The following DENND2B variants were observed in gnomAD, a reference collection of about 807,000 sequenced individuals.
DENND2B encodes DENN domain containing 2B.
In DENND2B, 32 loss-of-function variants were observed where a neutral mutation model predicts 116.0. The ratio of observed to expected loss-of-function variants is 0.28; its 90% confidence interval spans 0.21 to 0.37. The LOEUF (loss-of-function observed/expected upper bound fraction) is 0.37, where lower values mean the gene tolerates loss of function less well. Ranked by LOEUF, DENND2B falls within the 10% of genes least tolerant of loss-of-function variation. The probability of loss-of-function intolerance (pLI) is 1.00; values close to 1 mark genes in which losing one functional copy is unlikely to be tolerated. For missense variants in DENND2B, 1,276 were observed against 1,477.7 expected, an observed-to-expected ratio of 0.86 and a Z score of 2.24; for synonymous variants, 588 against 583.9, an observed-to-expected ratio of 1.01 and a Z score of -0.10.
chr11:8,882,402 A>G (rs1027044215), intron 1 of DENND2B, among the ~76,000 whole-genome samples: 8 of 152,168 alleles, frequency 5.3e-5, no homozygotes, highest in Non-Finnish European at 1.2e-4. Flanking sequence ...GCCCATAACC[A>G]TTGTTCATAA....
rs1592847823 is a variant in DENND2B at position 8,730,801 on chromosome 11, G to A, written c.489C>T (p.Gly163=). The A allele has an allele frequency of 1.2e-6, 2 of 1,613,022 alleles. No homozygotes were observed. Among genetic ancestry groups the A allele is most frequent in the Admixed American group, 3.3e-5 (2 of 60,010 alleles). ...CCCATGCTGATATCTTCTCCCGGATGCCCAGGCTGTGGGCGCGGGTACCGG... is the reference window on the plus strand; with the variant it reads ...CCCATGCTGATATCTTCTCCCGGATACCCAGGCTGTGGGCGCGGGTACCGG... ...TRTGTRAHSL[G]IREKISAWEG... is the part of the protein sequence containing the mutation. Residue 163 remains glycine, a synonymous_variant, in exon 3 of 20, where the codon GGC becomes GGT. Transcript: ENST00000313726. This position sits in a 1 kb window ranked among gnomAD's most constrained non-coding sequence, Gnocchi z 4.1.
intron 2 of DENND2B, among the ~76,000 whole-genome samples, chr11:8,731,777 G>A (rs1158904263): frequency 6.6e-6 from 1 of 152,188 alleles, no homozygotes; most frequent in Non-Finnish European, 1.5e-5. Context: ...GGTAGCACTT[G>A]CCAACTTTGG....
intron 2 of DENND2B, among the ~76,000 whole-genome samples, chr11:8,739,325 G>C (rs1025274985): frequency 2.3e-4 from 35 of 152,226 alleles, no homozygotes; most frequent in African/African-American, 8.4e-4. Context: ...GCTGGGTCCT[G>C]GTCCCATCAC....
At chr11:8,698,007 C>T (rs1565619396) in intron 16 of DENND2B, 1 of 414,568 alleles carries the variant, frequency 2.4e-6, no homozygotes, top group Non-Finnish European at 4.7e-6. Context: ...AGTATGGTGG[C>T]ATGCACCTGT....
At chr11:8,822,654 C>T (rs2061810238) in intron 4 of DENND2B, among the ~76,000 whole-genome samples, 1 of 152,230 alleles carries the variant, frequency 6.6e-6, no homozygotes, top group Admixed American at 6.5e-5. Context: ...ATCCCCATGG[C>T]TTCTAAAGGT....
At chr11:8,806,751 G>A (rs959696287) in intron 1 of DENND2B, among the ~76,000 whole-genome samples, 3 of 151,520 alleles carry the variant, frequency 2.0e-5, no homozygotes, top group Non-Finnish European at 4.4e-5. Context: ...TAGTTCCTCC[G>A]ACCCACCTAC....
At chr11:8,861,993 A>G (rs1412102335) in intron 2 of DENND2B, among the ~76,000 whole-genome samples, 1 of 147,388 alleles carries the variant, frequency 6.8e-6, no homozygotes, top group Admixed American at 6.7e-5. Flanking sequence ...ATGCAAAGGC[A>G]TATCGAGTGG....
chr11:8,776,507 T>C (rs1481648023), intron 1 of DENND2B: 2 of 314,906 alleles, frequency 6.4e-6, no homozygotes, highest in Admixed American at 4.5e-5. Context: ...ACTGCTCTGC[T>C]CACCTGAACC....
At chr11:8,798,764 G>A (rs2060048248) in intron 1 of DENND2B, among the ~76,000 whole-genome samples, 2 of 149,306 alleles carry the variant, frequency 1.3e-5, no homozygotes, top group South Asian at 2.1e-4. Context: ...GGGTAGGAAA[G>A]AAAATAAAAA....
Position 8,898,891 on chromosome 11 carries a change from C to T in DENND2B, c.-256+11930G>A, listed in dbSNP as rs549336423. On this transcript the variant is annotated intron_variant, in intron 1 of 22. Coordinates refer to the DENND2B transcript ENST00000534127. ...TAATGGAAACTTTTTCTGTAGGGGC[C>T]CAAATGTTAGACTTAGCAGACAGAC... is the stretch of plus-strand genomic sequence containing the variant. Among the ~76,000 whole-genome samples, 11 of 151,636 alleles carry T rather than the reference C, an allele frequency of 7.3e-5. No homozygotes were observed. The East Asian group carries it at 1.7e-3, about 24-fold the overall frequency.
Position 8,824,832 on chromosome 11 carries a change from C to G in DENND2B, c.-114-13497G>C, listed in dbSNP as rs997353399. 4.7e-5 allele frequency among the ~76,000 whole-genome samples: 7 copies of G among 150,202 alleles called. No individual in the cohort carries two copies. In the South Asian group the frequency reaches 1.5e-3, roughly 32 times the overall value. ...GCCTCCGAGTAGCTAGGACTACAGGCGCACACCTCCACACCCAGCTATTTT... is the reference window on the plus strand; with the variant it reads ...GCCTCCGAGTAGCTAGGACTACAGGGGCACACCTCCACACCCAGCTATTTT... On this transcript the variant is annotated intron_variant, in intron 4 of 6. Coordinates refer to the DENND2B transcript ENST00000524757.
chr11:8,883,986 T>A (rs79169764), intron 1 of DENND2B, among the ~76,000 whole-genome samples: 1 of 152,198 alleles, frequency 6.6e-6, no homozygotes, highest in Non-Finnish European at 1.5e-5. Flanking sequence ...CTGCCCTCAA[T>A]GGTTCTATAG....
intron 1 of DENND2B, among the ~76,000 whole-genome samples, chr11:8,754,025 G>GCACACACA (rs58878035): frequency 3.7e-4 from 3 of 8,056 alleles, no homozygotes; most frequent in African/African-American, 4.6e-4. Flanking sequence ...AACACCAAAA[G>GCACACACA]CGCGCACACA....
Position 8,712,831 on chromosome 11 carries a change from T to A in DENND2B, c.1988-96A>T. 1 of 1,313,024 alleles carries A rather than the reference T, an allele frequency of 7.6e-7. No individual in the cohort carries two copies. The highest frequency in any genetic ancestry group is 1.0e-6 in the Non-Finnish European group (1 of 970,822). 81.3% of individuals were successfully genotyped at this position (1,313,024 alleles called of 1,614,324 possible). A position where few individuals can be genotyped will look rare whatever the true frequency, so the allele number is the denominator to read the frequency against. On this transcript the variant is annotated intron_variant, in intron 8 of 19. Coordinates refer to ENST00000313726, the MANE Select transcript of DENND2B (RefSeq NM_213618.2). The surrounding 1 kb of genome is among the most constrained non-coding windows in gnomAD (Gnocchi z 4.4). ...GGGCTCCATTGCTGTGGAGCACTTT[T>A]AAGTACGTGAGCCTAGTCTGATACC...
At chr11:8,798,825 T>C (rs1232685008) in intron 1 of DENND2B, among the ~76,000 whole-genome samples, 2 of 133,648 alleles carry the variant, frequency 1.5e-5, no homozygotes, top group African/African-American at 5.7e-5. Flanking sequence ...CAATTTCCGG[T>C]TGCTTTTTTT....
chr11:8,750,744 C>G lies in DENND2B; in HGVS notation c.-25-19G>C, dbSNP rs777211229. ...CAGAGCCCTGCAAAGACGACAATGC[C>G]GGTAAGCCAAGTTTCTATAGGCAGC... On this transcript the variant is annotated intron_variant, in intron 1 of 19. Transcript: ENST00000313726. 6 of 1,612,550 alleles carry G rather than the reference C, an allele frequency of 3.7e-6. No homozygotes were observed. The highest frequency in any genetic ancestry group is 5.1e-6 in the Non-Finnish European group (6 of 1,178,908).
chr11:8,903,628 A>T (rs1419482524), intron 1 of DENND2B, among the ~76,000 whole-genome samples: 1 of 152,136 alleles, frequency 6.6e-6, no homozygotes, highest in Admixed American at 6.5e-5. Flanking sequence ...GACACCAAGT[A>T]TTGAAACTGA....
chr11:8,740,836 C>T (rs964666098), intron 2 of DENND2B, among the ~76,000 whole-genome samples: 4 of 152,210 alleles, frequency 2.6e-5, no homozygotes, highest in African/African-American at 9.7e-5. Flanking sequence ...GTGACTGCCC[C>T]AATTCTGGGG....
chr11:8,715,232 G>A (rs1277515570), intron 6 of DENND2B, among the ~76,000 whole-genome samples: 1 of 152,190 alleles, frequency 6.6e-6, no homozygotes, highest in Non-Finnish European at 1.5e-5. Context: ...GAAAATCATT[G>A]CTGAAAATTC....
Sources: gnomAD v4.1 joint callset for allele counts (sites outside exome capture counted in the v4.1 genomes callset) on GRCh38, gnomAD v4.1.1 for gene constraint, Gnocchi (gnomAD v3.1) non-coding constraint, MANE v1.5 for transcripts, NCBI Gene and HGNC (gene_info 2026-07-23, HGNC 2026-07-21) for gene names.